ADGRD1: variants seen among roughly 807,000 people sequenced by gnomAD.
ADGRD1 encodes the protein adhesion G protein-coupled receptor D1.
A neutral mutation model predicts 113.4 loss-of-function variants in ADGRD1; 77 were observed. The observed-to-expected ratio is 0.68, with a 90% confidence interval of 0.57 to 0.82. ADGRD1 has a LOEUF of 0.82. Ranked by LOEUF, ADGRD1 falls within the 40% of genes least tolerant of loss-of-function variation. ADGRD1 has a pLI of 0.00. For missense variants in ADGRD1, 1,036 were observed against 1,139.1 expected (o/e 0.91, Z 1.30); for synonymous variants, 474 against 475.0 (o/e 1.00, Z 0.03).
In ADGRD1 at chr12:131,136,053, G is replaced by A; in HGVS notation, c.2284G>A (p.Val762Met). The change falls in exon 22 of 25, where the codon GTG (valine) becomes ATG (methionine). Residue 762 changes from valine to methionine, a missense_variant. Coordinates refer to ENST00000261654, the MANE Select transcript of ADGRD1 (RefSeq NM_198827.5). ...TCTCTCCAGGTTGACAGCCAAGGCA[G>A]TGGCCGTGCTGCTGCCCATCCTGGG... ...PSAFKLTAKA[V>M]AVLLPILGTS... 6.2e-7 allele frequency: 1 copy of A among 1,614,090 alleles called. No homozygotes were observed. The highest frequency in any genetic ancestry group is 8.5e-7 in the Non-Finnish European group (1 of 1,179,916).
intron 15 of ADGRD1, among the ~76,000 whole-genome samples, chr12:131,097,857 C>T (rs563855755): frequency 5.9e-5 from 9 of 152,320 alleles, no homozygotes; most frequent in Admixed American, 5.9e-4. Flanking sequence ...TGCTCTTGTG[C>T]CCGGGAGCCC....
intron 16 of ADGRD1, 128 bp from the exon 17 acceptor site, chr12:131,105,626 G>A: frequency 3.0e-6 from 2 of 665,726 alleles, no homozygotes; most frequent in Non-Finnish European, 5.3e-6. Flanking sequence ...TCCACAGCAG[G>A]GAGTGACAGC....
At chr12:131,119,428 G>A (rs1307096844) in intron 19 of ADGRD1, among the ~76,000 whole-genome samples, 1 of 152,214 alleles carries the variant, frequency 6.6e-6, no homozygotes, top group Non-Finnish European at 1.5e-5. Flanking sequence ...CTAATTAGAA[G>A]AAGAATGTTC....
chr12:131,111,218 G>C (rs750023867), intron 18 of ADGRD1, among the ~76,000 whole-genome samples: 6 of 152,010 alleles, frequency 3.9e-5, no homozygotes, highest in Non-Finnish European at 5.9e-5. Context: ...TCACCCTCTT[G>C]AGTAGCTGGG....
chr12:130,998,206 G>A lies in ADGRD1; in HGVS notation c.967-2177G>A, dbSNP rs776530209. 2.7e-3 allele frequency among the ~76,000 whole-genome samples: 405 copies of A among 151,954 alleles called. 1 individual carries two copies. The highest frequency in any genetic ancestry group is 2.8e-3 in the Non-Finnish European group (191 of 67,956). ...AGACCGTGGGGAGAGGGAGGGGGAG[G>A]GGGAGAGGGAGAGGGAGAGCAGAAA... On this transcript the variant is annotated intron_variant, in intron 8 of 24. Transcript: ENST00000261654.
chr12:131,092,860 T>C (rs551536384), intron 15 of ADGRD1, among the ~76,000 whole-genome samples: 1 of 152,034 alleles, frequency 6.6e-6, no homozygotes, highest in East Asian at 1.9e-4. Flanking sequence ...AACACAGACA[T>C]TTTATCTAAA....
Position 131,000,387 on chromosome 12 carries a change from T to C in ADGRD1, c.971T>C (p.Phe324Ser), listed in dbSNP as rs756224084. ...TGTCATTTTGTCCACCTTTAGACCT[T>C]CTTAAAAGCCGTGGGAGAGATCCTT... Reference protein sequence around the residue: ...EQTALNLTKTFLKAVGEILLL... With the variant: ...EQTALNLTKTSLKAVGEILLL... The change falls in exon 9 of 25, where the codon TTC (phenylalanine) becomes TCC (serine). Residue 324 changes from phenylalanine to serine, a missense_variant. Physicochemically the swap from Phe to Ser is radical, Grantham distance 155. Coordinates refer to ENST00000261654, the MANE Select transcript of ADGRD1 (RefSeq NM_198827.5). The C allele has an allele frequency of 6.9e-5, 111 of 1,612,926 alleles. No individual in the cohort carries two copies. The highest frequency in any genetic ancestry group is 9.2e-5 in the Non-Finnish European group (109 of 1,179,134).
At position 130,971,878 on chromosome 12, in the gene ADGRD1, C is replaced by T. The variant is rs559652256; in HGVS notation, c.310+298C>T. On this transcript the variant is annotated intron_variant, in intron 4 of 24. Transcript: ENST00000261654. This position sits in a 1 kb window ranked among gnomAD's most constrained non-coding sequence, Gnocchi z 4.2. ...CTAAAAAACAGACACAGCGATGTCA[C>T]AGTGGGGACTGGACAGGGCCGTGGC... 6.6e-6 allele frequency among the ~76,000 whole-genome samples: 1 copy of T among 152,286 alleles called. No individual in the cohort carries two copies. The highest frequency in any genetic ancestry group is 2.1e-4 in the South Asian group (1 of 4,814).
chr12:130,961,661 G>A lies in ADGRD1; in HGVS notation c.104-4802G>A, dbSNP rs537377582. On this transcript the variant is annotated intron_variant, in intron 2 of 24. Coordinates refer to ENST00000261654, the MANE Select transcript of ADGRD1 (RefSeq NM_198827.5). ...AAATGCCACAGAGTGCCTTTTTCCC[G>A]AAAGAATGAGACTTTCTTGCTCTGA... Among the ~76,000 whole-genome samples the A allele has an allele frequency of 3.9e-4, 59 of 152,210 alleles. No individual in the cohort carries two copies. The South Asian group carries it at 1.0e-2, about 26-fold the overall frequency.
intron 18 of ADGRD1, among the ~76,000 whole-genome samples, chr12:131,110,122 T>C (rs1950318171): frequency 9.6e-6 from 1 of 104,396 alleles, no homozygotes; most frequent in Admixed American, 1.2e-4. Flanking sequence ...GTAAACAGAA[T>C]ACAACTGGAT....
chr12:131,099,803 C>T (rs1950027722), intron 15 of ADGRD1, among the ~76,000 whole-genome samples: 1 of 152,230 alleles, frequency 6.6e-6, no homozygotes, highest in Non-Finnish European at 1.5e-5. Flanking sequence ...CATTTCAAGG[C>T]TGCCTGGTCA....
chr12:131,131,646 G>A lies in ADGRD1; in HGVS notation c.2176-79G>A, dbSNP rs977627507. The stretch of plus-strand genomic sequence containing the variant: ...CTGGGCAGGGGTAGCCTGTGGTGAG[G>A]GCAGTGGCCAGGCGGACGCAGCTCT... On this transcript the variant is annotated intron_variant, in intron 20 of 24. Transcript: ENST00000261654. 44 of 975,510 alleles carry A rather than the reference G, an allele frequency of 4.5e-5. 1 individual carries two copies. Among genetic ancestry groups the A allele is most frequent in the Non-Finnish European group, 4.8e-5 (30 of 620,518 alleles). 60.4% of individuals were successfully genotyped at this position (975,510 alleles called of 1,614,324 possible). A position where few individuals can be genotyped will look rare whatever the true frequency, so the allele number is the denominator to read the frequency against.
intron 13 of ADGRD1, chr12:131,035,067 C>T (rs34696777): frequency 0.11 from 16,583 of 152,788 alleles, 1,225 homozygotes; most frequent in Non-Finnish European, 0.16. Flanking sequence ...GACTCACAGC[C>T]CTGTGTGGTC....
chr12:131,018,866 G>A (rs544125015), intron 13 of ADGRD1, among the ~76,000 whole-genome samples: 83 of 152,312 alleles, frequency 5.4e-4, no homozygotes, highest in African/African-American at 1.9e-3. Context: ...AGGTGTTTGA[G>A]AGGGACTTTG....
chr12:131,014,276 C>A lies in ADGRD1; in HGVS notation c.1409C>A (p.Pro470Gln), dbSNP rs758783260. 6 of 1,614,078 alleles carry A rather than the reference C, an allele frequency of 3.7e-6. No individual in the cohort carries two copies. The highest frequency in any genetic ancestry group is 3.3e-5 in the South Asian group (3 of 91,076). The stretch of plus-strand genomic sequence containing the variant: ...CTGATTTCCCTGGAGGTGTCCCCAC[C>A]ACCCACCCTGTCTCAGAACCTGTCG... ...SHLISLEVSP[P>Q]PTLSQNLSGS... The change falls in exon 13 of 25, where the codon CCA (proline) becomes CAA (glutamine). Residue 470 changes from proline to glutamine, a missense_variant. Pro to Gln is a moderately conservative substitution (Grantham distance 76, BLOSUM62 -1). Coordinates refer to ENST00000261654, the MANE Select transcript of ADGRD1 (RefSeq NM_198827.5).
At chr12:131,085,445 G>A (rs1886392651) in intron 15 of ADGRD1, among the ~76,000 whole-genome samples, 4 of 152,166 alleles carry the variant, frequency 2.6e-5, no homozygotes, top group Non-Finnish European at 5.9e-5. Flanking sequence ...AGCAGGCTCG[G>A]CTCCAGCATC....
chr12:131,087,516 C>T lies in ADGRD1; in HGVS notation c.1671+2853C>T, dbSNP rs115120716. Reference sequence around the variant, plus strand: ...CAAGCCCTTGCGTGCCGGGGCTTTCCGGCTCAGGGCCGTGGGGTTTTAGAG... The same window carrying T: ...CAAGCCCTTGCGTGCCGGGGCTTTCTGGCTCAGGGCCGTGGGGTTTTAGAG... On this transcript the variant is annotated intron_variant, in intron 15 of 24. Transcript: ENST00000261654. Among the ~76,000 whole-genome samples, 585 of 152,346 alleles carry T rather than the reference C, an allele frequency of 3.8e-3. 5 individuals are homozygous for T. The highest frequency in any genetic ancestry group is 0.013 in the African/African-American group (553 of 41,586).
intron 9 of ADGRD1, among the ~76,000 whole-genome samples, chr12:131,001,802 A>G (rs1185482095): frequency 6.6e-6 from 1 of 152,228 alleles, no homozygotes; most frequent in East Asian, 1.9e-4. Context: ...GCCTTGGCCC[A>G]GAAGGGTCCC....
intron 20 of ADGRD1, among the ~76,000 whole-genome samples, chr12:131,131,385 C>G (rs180704145): frequency 6.6e-6 from 1 of 152,196 alleles, no homozygotes; most frequent in Admixed American, 6.5e-5. Context: ...CACTGAGGCT[C>G]CGAGGACCTG....
Sources: allele counts gnomAD v4.1 joint callset (sites outside exome capture counted in the v4.1 genomes callset), GRCh38; gene constraint gnomAD v4.1.1; non-coding constraint Gnocchi (gnomAD v3.1); transcripts MANE v1.5; gene names NCBI Gene and HGNC (gene_info 2026-07-23, HGNC 2026-07-21).